Variants in C7orf33 observed in about 807,000 individuals in gnomAD.
The protein encoded by C7orf33 is chromosome 7 open reading frame 33.
In C7orf33, 15 loss-of-function variants were observed where a neutral mutation model predicts 13.4. The observed-to-expected ratio is 1.12, with a 90% CI of 0.75 to 1.72. C7orf33 has a LOEUF of 1.72. C7orf33 is among the 40% of genes most tolerant of loss of function. The pLI, the probability that C7orf33 is intolerant of heterozygous loss-of-function variation, is 0.00. For missense variants in C7orf33, 187 were observed against 220.3 expected, an observed-to-expected ratio of 0.85 and a Z score of 0.96; for synonymous variants, 73 against 83.2, an observed-to-expected ratio of 0.88 and a Z score of 0.67.
intron 1 of C7orf33, 22 bp downstream of exon 1, chr7:148,591,151 G>T (rs1796264871): frequency 1.3e-6 from 2 of 1,571,596 alleles, no homozygotes; most frequent in African/African-American, 1.4e-5. Context: ...ATTCTAAGAT[G>T]AATCAACTGC....
At chr7:148,612,313 T>C (rs78016407) in intron 1 of C7orf33, among the ~76,000 whole-genome samples, 5,694 of 152,314 alleles carry the variant, frequency 0.037, 182 homozygotes, top group Admixed American at 0.094. Flanking sequence ...GATCTATAAG[T>C]TGAAACTCTT....
At chr7:148,598,785 G>T (rs1233459535) in intron 1 of C7orf33, among the ~76,000 whole-genome samples, 82 of 135,754 alleles carry the variant, frequency 6.0e-4, no homozygotes, top group Non-Finnish European at 8.1e-4. Context: ...GAGAGAGAGA[G>T]AGAGAGAGAG....
intron 1 of C7orf33, 27 bp from the exon 2 acceptor site, chr7:148,614,015 A>ATTTG (rs762128590): frequency 6.4e-6 from 10 of 1,555,418 alleles, no homozygotes; most frequent in East Asian, 2.3e-5. Flanking sequence ...CTTTAACCCA[A>ATTTG]TTTGTTTGTT....
chr7:148,592,146 G>A (rs888246280), intron 1 of C7orf33, among the ~76,000 whole-genome samples: 1 of 152,162 alleles, frequency 6.6e-6, no homozygotes, highest in African/African-American at 2.4e-5. Flanking sequence ...CAGGCTCAGA[G>A]TATCTTCTGA....
chr7:148,597,173 CAT>C (rs553681954), intron 1 of C7orf33, among the ~76,000 whole-genome samples: 4 of 150,244 alleles, frequency 2.7e-5, no homozygotes, highest in Non-Finnish European at 1.5e-5. Flanking sequence ...CATTTGGATA[CAT>C]ATATATATAT....
chr7:148,596,207 G>A (rs1257494190), intron 1 of C7orf33, among the ~76,000 whole-genome samples: 1 of 152,060 alleles, frequency 6.6e-6, no homozygotes, highest in Non-Finnish European at 1.5e-5. Flanking sequence ...GAGATTTCTG[G>A]TACCTCTTGC....
chr7:148,595,650 A>G (rs940417608), intron 1 of C7orf33, among the ~76,000 whole-genome samples: 3 of 81,874 alleles, frequency 3.7e-5, no homozygotes, highest in African/African-American at 3.1e-4. Context: ...ATATAGATAT[A>G]ATATAGATCT....
chr7:148,598,063 G>A lies in C7orf33; in HGVS notation c.204+6934G>A, dbSNP rs60299278. On this transcript the variant is annotated intron_variant, in intron 1 of 2. Coordinates refer to ENST00000307003, the MANE Select transcript of C7orf33 (RefSeq NM_145304.4). ...AGCCACGGCGCCCAGCCTCCCTTGC[G>A]TTTCTTATACTCTACTTACATATGT... is the stretch of plus-strand genomic sequence containing the variant. 9.0e-3 allele frequency among the ~76,000 whole-genome samples: 1,370 copies of A among 152,212 alleles called. 19 individuals are homozygous for A. Among genetic ancestry groups the A allele is most frequent in the African/African-American group, 0.031 (1,280 of 41,538 alleles).
Position 148,609,714 on chromosome 7 carries a change from T to C in C7orf33, c.205-4328T>C, listed in dbSNP as rs115385488. On this transcript the variant is annotated intron_variant, in intron 1 of 2. Transcript: ENST00000307003. ...GTCACATTTCCATTTCTAAACCAAT[T>C]CTTGACAAAAGGGAACATATTATCC... Among the ~76,000 whole-genome samples, 850 of 152,286 alleles carry C rather than the reference T, an allele frequency of 5.6e-3. 11 individuals carry two copies. Among genetic ancestry groups the C allele is most frequent in the African/African-American group, 0.019 (802 of 41,536 alleles).
intron 1 of C7orf33, among the ~76,000 whole-genome samples, chr7:148,611,381 C>T (rs778954994): frequency 2.4e-4 from 36 of 152,080 alleles, no homozygotes; most frequent in Non-Finnish European, 4.9e-4. Flanking sequence ...AGCTGAATGT[C>T]GAGACCAGCA....
In C7orf33 at chr7:148,614,294, A is replaced by C; in HGVS notation, c.457A>C (p.Asn153His). 6.2e-7 allele frequency: 1 copy of C among 1,613,658 alleles called. No individual in the cohort carries two copies. The highest frequency in any genetic ancestry group is 8.5e-7 in the Non-Finnish European group (1 of 1,179,640). The change falls in exon 2 of 3, where the codon AAC (asparagine) becomes CAC (histidine). Residue 153 changes from asparagine (N) to histidine (H), a missense_variant and splice_region_variant. Transcript: ENST00000307003. ...GAGGACAGTGACAAGTTCATACCTAAACGTAAGCTCCGAAGTGTCTTAGCA... is the reference window on the plus strand; with the variant it reads ...GAGGACAGTGACAAGTTCATACCTACACGTAAGCTCCGAAGTGTCTTAGCA... ...PGRTVTSSYL[N>H]VRGHEVRKLQ...
chr7:148,600,596 G>T (rs1455734103), intron 1 of C7orf33, among the ~76,000 whole-genome samples: 1 of 152,118 alleles, frequency 6.6e-6, no homozygotes, highest in East Asian at 1.9e-4. Context: ...TTCAATGTTT[G>T]TTGTTCATGG....
intron 1 of C7orf33, among the ~76,000 whole-genome samples, chr7:148,609,853 T>A (rs1339737227): frequency 6.6e-6 from 1 of 152,112 alleles, no homozygotes; most frequent in Non-Finnish European, 1.5e-5. Context: ...AAATGCTGAG[T>A]GGGCTACCAA....
chr7:148,592,174 G>C (rs529350458), intron 1 of C7orf33, among the ~76,000 whole-genome samples: 1 of 152,268 alleles, frequency 6.6e-6, no homozygotes, highest in East Asian at 1.9e-4. Context: ...AATGACTCTG[G>C]TCATTCGAGG....
At chr7:148,607,493 A>C (rs995685096) in intron 1 of C7orf33, among the ~76,000 whole-genome samples, 1 of 152,186 alleles carries the variant, frequency 6.6e-6, no homozygotes, top group Non-Finnish European at 1.5e-5. Context: ...TTTCCCTAGA[A>C]TGTAGATTTA....
intron 1 of C7orf33, among the ~76,000 whole-genome samples, chr7:148,600,672 C>T (rs961541290): frequency 6.6e-6 from 1 of 151,946 alleles, no homozygotes; most frequent in African/African-American, 2.4e-5. Context: ...CTTTATTTTG[C>T]CTATATGCAT....
rs369149942 is a variant in C7orf33, at chr7:148,602,367, C to T, written c.204+11238C>T. 4.4e-4 allele frequency among the ~76,000 whole-genome samples: 67 copies of T among 152,158 alleles called. 2 individuals are homozygous for T. The highest frequency in any genetic ancestry group is 1.6e-3 in the African/African-American group (66 of 41,512). Reference sequence around the variant, plus strand: ...ACCCAGCCACTTCGGGAGGCCAACGCAGGTGGATCACTTGATGTCCGGAGT... The same window carrying T: ...ACCCAGCCACTTCGGGAGGCCAACGTAGGTGGATCACTTGATGTCCGGAGT... On this transcript the variant is annotated intron_variant, in intron 1 of 2. Coordinates refer to ENST00000307003, the MANE Select transcript of C7orf33 (RefSeq NM_145304.4).
chr7:148,597,849 A>G (rs907689013), intron 1 of C7orf33, among the ~76,000 whole-genome samples: 44 of 152,086 alleles, frequency 2.9e-4, no homozygotes, highest in African/African-American at 6.5e-4. Flanking sequence ...TCCGCTTCCC[A>G]GGTTCACGCC....
Position 148,596,451 on chromosome 7 carries a change from A to T in C7orf33, c.204+5322A>T, listed in dbSNP as rs116104481. Among the ~76,000 whole-genome samples, 1,467 of 152,338 alleles carry T rather than the reference A, an allele frequency of 9.6e-3. 20 individuals are homozygous for T. Among genetic ancestry groups the T allele is most frequent in the African/African-American group, 0.034 (1,400 of 41,576 alleles). On this transcript the variant is annotated intron_variant, in intron 1 of 2. Transcript: ENST00000307003. The stretch of plus-strand genomic sequence containing the variant: ...GACTGGGCAATTTACAAAAGAAATA[A>T]GTTTAATTGGACTTACAGTTCCACA...
Sources: gnomAD v4.1 joint callset for allele counts (sites outside exome capture counted in the v4.1 genomes callset) on GRCh38, gnomAD v4.1.1 for gene constraint, MANE v1.5 for transcripts, NCBI Gene and HGNC (gene_info 2026-07-23, HGNC 2026-07-21) for gene names.